The following PPP1R12A variants were observed in gnomAD, a reference collection of about 807,000 sequenced individuals.
The protein encoded by PPP1R12A is protein phosphatase 1 regulatory subunit 12A, also known as myosin binding subunit.
A neutral mutation model predicts 139.6 loss-of-function variants in PPP1R12A; 19 were observed. The observed-to-expected ratio is 0.14, with a 90% CI of 0.09 to 0.20. The LOEUF (loss-of-function observed/expected upper bound fraction) is 0.20, where lower values mean the gene tolerates loss of function less well. Among genes scored for constraint, PPP1R12A ranks in the 10% least tolerant of loss-of-function variants. The pLI is 1.00. For missense variants in PPP1R12A, 925 were observed against 1,211.5 expected (o/e 0.76, Z 3.51); for synonymous variants, 427 against 420.6 (o/e 1.02, Z -0.19).
intron 12 of PPP1R12A, chr12:79,806,697 A>C: frequency 5.5e-6 from 1 of 182,468 alleles, no homozygotes; most frequent in Non-Finnish European, 1.1e-5. Flanking sequence ...TTTTGAAGGA[A>C]ATTATTTCAG....
intron 18 of PPP1R12A, among the ~76,000 whole-genome samples, 161 bp downstream of exon 18, chr12:79,795,477 C>A (rs749298142): frequency 6.6e-6 from 1 of 151,986 alleles, no homozygotes; most frequent in African/African-American, 2.4e-5. Flanking sequence ...AGTTAACTAT[C>A]CTTAAAAATA....
intron 20 of PPP1R12A, 36 bp from the exon 21 acceptor site, chr12:79,788,819 T>C (rs770464149): frequency 1.4e-5 from 21 of 1,525,296 alleles, no homozygotes; most frequent in South Asian, 3.7e-5. Context: ...AACCTTGTTA[T>C]AGGCTTTTAC....
chr12:79,899,158 CATTA>C (rs71091689), intron 1 of PPP1R12A, among the ~76,000 whole-genome samples: 112,482 of 150,646 alleles, frequency 0.75, 45,141 homozygotes, highest in Non-Finnish European at 0.92. Context: ...GCATGTTTGT[CATTA>C]ATTAGAGTTC....
intron 1 of PPP1R12A, among the ~76,000 whole-genome samples, chr12:79,927,921 A>G (rs960594768): frequency 1.3e-5 from 2 of 152,226 alleles, no homozygotes; most frequent in Admixed American, 6.5e-5. Context: ...CAAACTTTCA[A>G]AAGAAGGGTG....
intron 9 of PPP1R12A, among the ~76,000 whole-genome samples, chr12:79,811,683 A>G (rs1874552774): frequency 6.6e-6 from 1 of 152,242 alleles, no homozygotes; most frequent in African/African-American, 2.4e-5. Flanking sequence ...TAATATTAAT[A>G]CACAAATGAT....
Position 79,872,688 on chromosome 12 carries a change from A to G in PPP1R12A, c.368+120T>C, listed in dbSNP as rs1384632843. The G allele has an allele frequency of 3.5e-6, 4 of 1,127,042 alleles. No individual in the cohort carries two copies. In the Admixed American group the frequency reaches 1.1e-4, roughly 31 times the overall value. The allele number at this position is 1,127,042 out of a possible 1,614,324, so 69.8% of individuals were successfully genotyped here. On this transcript the variant is annotated intron_variant, in intron 2 of 24. Transcript: ENST00000450142. ...TAACCACTTATTTTCTTTCTTGGAA[A>G]GAATAATTTTCATGAATTAAAGTAA...
chr12:79,860,055 T>C (rs1463322366), intron 2 of PPP1R12A, among the ~76,000 whole-genome samples: 1 of 152,210 alleles, frequency 6.6e-6, no homozygotes, highest in African/African-American at 2.4e-5. Context: ...TGTGAAGCCA[T>C]ATAATGCTAG....
chr12:79,785,764 G>A (rs1295299933), intron 22 of PPP1R12A, among the ~76,000 whole-genome samples: 1 of 152,006 alleles, frequency 6.6e-6, no homozygotes, highest in Non-Finnish European at 1.5e-5. Flanking sequence ...TTTTTGAAAG[G>A]AGGGAAATGA....
chr12:79,786,203 C>T (rs542876276), intron 22 of PPP1R12A, among the ~76,000 whole-genome samples, 171 bp downstream of exon 22: 1 of 152,120 alleles, frequency 6.6e-6, no homozygotes, highest in African/African-American at 2.4e-5. Flanking sequence ...TTGACTATGA[C>T]TATTTTTTAA....
intron 2 of PPP1R12A, among the ~76,000 whole-genome samples, chr12:79,872,552 GA>G (rs1267891989): frequency 2.6e-5 from 4 of 152,096 alleles, no homozygotes; most frequent in African/African-American, 9.7e-5. Flanking sequence ...AAAGAAAAAA[GA>G]TGGAGACAGA....
intron 8 of PPP1R12A, 88 bp from the exon 9 acceptor site, chr12:79,817,606 T>C: frequency 7.6e-7 from 1 of 1,320,182 alleles, no homozygotes; most frequent in South Asian, 1.5e-5. Context: ...TCCATTTTTG[T>C]TTAAGGTTTT....
intron 19 of PPP1R12A, among the ~76,000 whole-genome samples, chr12:79,791,530 G>A (rs1184894173): frequency 6.6e-6 from 1 of 152,104 alleles, no homozygotes; most frequent in South Asian, 2.1e-4. Flanking sequence ...GTCTCCCTAT[G>A]TTGCCCAGGT....
intron 1 of PPP1R12A, among the ~76,000 whole-genome samples, chr12:79,905,663 T>C (rs1886047147): frequency 2.0e-5 from 3 of 152,220 alleles, no homozygotes; most frequent in Admixed American, 2.0e-4. Context: ...CATATTTTTA[T>C]TTGTACATTT....
intron 2 of PPP1R12A, among the ~76,000 whole-genome samples, chr12:79,859,980 T>C (rs946634612): frequency 6.6e-6 from 1 of 152,170 alleles, no homozygotes; most frequent in African/African-American, 2.4e-5. Context: ...GCAATGTCTA[T>C]AAAATCACTC....
intron 1 of PPP1R12A, among the ~76,000 whole-genome samples, chr12:79,912,051 C>G (rs1411311364): frequency 1.3e-5 from 2 of 152,172 alleles, no homozygotes; most frequent in African/African-American, 4.8e-5. Context: ...CACTGGCCTT[C>G]TAGTTCCTCT....
rs540494788 is a variant in PPP1R12A, at chr12:79,776,446, C to A, written c.3007-431G>T. Among the ~76,000 whole-genome samples the A allele has an allele frequency of 1.1e-4, 17 of 152,120 alleles. No individual in the cohort carries two copies. The South Asian group carries it at 3.5e-3, about 32-fold the overall frequency. On this transcript the variant is annotated intron_variant, in intron 24 of 24. Coordinates refer to ENST00000450142, the MANE Select transcript of PPP1R12A (RefSeq NM_002480.3). ...ATTGTTCCACAAGAAAGTCAAACTA[C>A]CTAGGAAAACATTGAGGAAATTAGA...
intron 4 of PPP1R12A, among the ~76,000 whole-genome samples, chr12:79,831,548 A>G (rs113067985): frequency 5.9e-5 from 9 of 152,314 alleles, no homozygotes; most frequent in African/African-American, 2.2e-4. Flanking sequence ...GGTGACTCAT[A>G]TATTCTTTAC....
chr12:79,777,222 T>A (rs929745205), intron 24 of PPP1R12A: 45 of 929,286 alleles, frequency 4.8e-5, no homozygotes, highest in Non-Finnish European at 5.5e-5. Flanking sequence ...TAAATAATAG[T>A]CATATTTTAA....
chr12:79,786,558 T>G, intron 21 of PPP1R12A, 80 bp from the exon 22 acceptor site: 1 of 882,012 alleles, frequency 1.1e-6, no homozygotes, highest in Non-Finnish European at 1.7e-6. Context: ...TACTTTGCAA[T>G]ATTAAAACAG....
Sources: gnomAD v4.1 joint callset for allele counts (sites outside exome capture counted in the v4.1 genomes callset) on GRCh38, gnomAD v4.1.1 for gene constraint, MANE v1.5 for transcripts, NCBI Gene and HGNC (gene_info 2026-07-23, HGNC 2026-07-21) for gene names.